MDGA2: variants seen among roughly 807,000 people sequenced by gnomAD.
The protein encoded by MDGA2 is MAM domain containing glycosylphosphatidylinositol anchor 2.
A neutral mutation model predicts 117.8 loss-of-function variants in MDGA2; 40 were observed. That is an observed-to-expected ratio of 0.34 (90% CI 0.26 to 0.44). The LOEUF is 0.44. MDGA2 is among the 20% of genes least tolerant of loss of function. MDGA2 has a pLI of 1.00. For synonymous variants in MDGA2, 452 were observed against 439.0 expected (o/e 1.03, Z -0.37); for missense variants, 1,123 against 1,250.6 (o/e 0.90, Z 1.54).
At chr14:47,113,210 T>C (rs905175052) in intron 5 of MDGA2, among the ~76,000 whole-genome samples, 1 of 151,886 alleles carries the variant, frequency 6.6e-6, no homozygotes, top group Admixed American at 6.6e-5. Flanking sequence ...AACTAGAAAA[T>C]CTAGAAGAAA....
intron 5 of MDGA2, among the ~76,000 whole-genome samples, chr14:47,110,649 C>G (rs573453397): frequency 4.3e-4 from 65 of 152,210 alleles, no homozygotes; most frequent in African/African-American, 1.5e-3. Context: ...TATAGCCAAT[C>G]TTAAAGGATA....
chr14:47,464,722 T>G (rs10220485), intron 1 of MDGA2, among the ~76,000 whole-genome samples: 102,545 of 152,018 alleles, frequency 0.67, 35,129 homozygotes, highest in East Asian at 0.98. Context: ...TTGATAGGAA[T>G]AATCAATATC....
intron 3 of MDGA2, among the ~76,000 whole-genome samples, chr14:47,212,953 A>C (rs1885939957): frequency 6.6e-6 from 1 of 152,134 alleles, no homozygotes; most frequent in Non-Finnish European, 1.5e-5. Context: ...TCTGAAGCTC[A>C]ATGTATGACA....
intron 1 of MDGA2, among the ~76,000 whole-genome samples, chr14:47,405,785 TA>T (rs1256448245): frequency 6.6e-6 from 1 of 152,150 alleles, no homozygotes; most frequent in Non-Finnish European, 1.5e-5. Context: ...TGCTACAGTA[TA>T]AATGACACAT....
Position 47,053,662 on chromosome 14 carries a change from C to T in MDGA2, c.1525+7587G>A, listed in dbSNP as rs1040426763. On this transcript the variant is annotated intron_variant, in intron 7 of 16. Coordinates refer to ENST00000399232, the MANE Select transcript of MDGA2 (RefSeq NM_001113498.3). ...ATATATATATATATATATACACACA[C>T]ACACACACATATATATATACACACA... Among the ~76,000 whole-genome samples, 28 of 140,682 alleles carry T rather than the reference C, an allele frequency of 2.0e-4. 1 individual carries two copies. The highest frequency in any genetic ancestry group is 7.3e-4 in the African/African-American group (28 of 38,590). 92.3% of individuals were successfully genotyped at this position (140,682 alleles called of 152,430 possible). A position where few individuals can be genotyped will look rare whatever the true frequency, so the allele number is the denominator to read the frequency against.
At chr14:47,638,144 C>A (rs183304127) in intron 1 of MDGA2, among the ~76,000 whole-genome samples, 15 of 152,280 alleles carry the variant, frequency 9.9e-5, no homozygotes, top group African/African-American at 3.6e-4. Flanking sequence ...CATGCTAAGT[C>A]TGTACGTGTC....
chr14:47,662,084 A>C (rs967188508), intron 1 of MDGA2, among the ~76,000 whole-genome samples: 4 of 152,120 alleles, frequency 2.6e-5, no homozygotes, highest in African/African-American at 9.7e-5. Context: ...TGAACAATAG[A>C]AACATGAATG....
intron 1 of MDGA2, among the ~76,000 whole-genome samples, chr14:47,629,004 T>C (rs530983752): frequency 8.5e-5 from 13 of 152,264 alleles, no homozygotes; most frequent in Non-Finnish European, 1.9e-4. Context: ...CTCACTCAAC[T>C]CCTCCCTGTA....
intron 1 of MDGA2, among the ~76,000 whole-genome samples, chr14:47,629,302 T>C (rs1293086660): frequency 6.6e-6 from 1 of 152,250 alleles, no homozygotes; most frequent in Non-Finnish European, 1.5e-5. Context: ...TCTGATTCAT[T>C]TGAGCTGAGT....
At chr14:46,998,528 T>G (rs74423215) in intron 8 of MDGA2, among the ~76,000 whole-genome samples, 6,207 of 152,252 alleles carry the variant, frequency 0.041, 192 homozygotes, top group Middle Eastern at 0.065. Context: ...TCTTTTGCAT[T>G]TCTGAATCCA....
intron 1 of MDGA2, among the ~76,000 whole-genome samples, chr14:47,584,917 G>A (rs1896296565): frequency 6.6e-6 from 1 of 151,714 alleles, no homozygotes; most frequent in South Asian, 2.1e-4. Flanking sequence ...TCTTCAACCT[G>A]AATGGTACAC....
intron 1 of MDGA2, among the ~76,000 whole-genome samples, chr14:47,472,336 C>T (rs943958270): frequency 2.6e-5 from 4 of 152,140 alleles, no homozygotes; most frequent in African/African-American, 9.7e-5. Flanking sequence ...ATGGTCTGGC[C>T]TACTGCACAC....
intron 3 of MDGA2, among the ~76,000 whole-genome samples, chr14:47,152,596 G>A (rs1883204076): frequency 6.6e-6 from 1 of 151,828 alleles, no homozygotes; most frequent in African/African-American, 2.4e-5. Flanking sequence ...TTATCTTCAT[G>A]CATATTTTAC....
At chr14:47,560,549 GTTGT>G (rs1174853619) in intron 1 of MDGA2, among the ~76,000 whole-genome samples, 12 of 152,088 alleles carry the variant, frequency 7.9e-5, no homozygotes, top group South Asian at 2.1e-4. Flanking sequence ...TTTTAATGTG[GTTGT>G]TTGTTTTTTG....
intron 1 of MDGA2, among the ~76,000 whole-genome samples, chr14:47,382,696 A>G (rs1891663884): frequency 1.3e-5 from 2 of 152,228 alleles, no homozygotes; most frequent in South Asian, 4.1e-4. Context: ...TTAAAAAGTC[A>G]GGAAACAACA....
intron 10 of MDGA2, among the ~76,000 whole-genome samples, chr14:46,911,503 A>G (rs1358908795): frequency 1.3e-5 from 2 of 152,230 alleles, no homozygotes; most frequent in African/African-American, 4.8e-5. Flanking sequence ...AAAGTCATGT[A>G]AAGATGTGGA....
At chr14:47,638,472 C>T (rs781725556) in intron 1 of MDGA2, among the ~76,000 whole-genome samples, 9 of 152,088 alleles carry the variant, frequency 5.9e-5, no homozygotes, top group Non-Finnish European at 8.8e-5. Context: ...CATGCAATTG[C>T]CAGTGTTAGG....
rs78845902 is a variant in MDGA2 at position 46,928,381 on chromosome 14, T to C, written c.2090-8221A>G. Among the ~76,000 whole-genome samples, 2,542 of 152,282 alleles carry C rather than the reference T, an allele frequency of 0.017. 339 individuals carry two copies. In the East Asian group the frequency reaches 0.36, roughly 22 times the overall value. On this transcript the variant is annotated intron_variant, in intron 9 of 16. Coordinates refer to ENST00000399232, the MANE Select transcript of MDGA2 (RefSeq NM_001113498.3). Reference sequence around the variant, plus strand: ...TGGAATTTATGGCTGAATTCACTTATAAAAGGAAGTCTTGCCCAGTCATCT... The same window carrying C: ...TGGAATTTATGGCTGAATTCACTTACAAAAGGAAGTCTTGCCCAGTCATCT...
At position 47,588,261 on chromosome 14, in the gene MDGA2, TACACACAC is replaced by T. The variant is rs67717725; in HGVS notation, c.280+86248_280+86255del. Among the ~76,000 whole-genome samples the T allele has an allele frequency of 1.3e-4, 13 of 103,800 alleles. 1 individual carries two copies. Among genetic ancestry groups the T allele is most frequent in the African/African-American group, 3.0e-4 (9 of 29,762 alleles). 68.1% of individuals were successfully genotyped at this position (103,800 alleles called of 152,430 possible). On this transcript the variant is annotated intron_variant, in intron 1 of 16. Coordinates refer to ENST00000399232, the MANE Select transcript of MDGA2 (RefSeq NM_001113498.3). ...AGATATATATATATATATATATATA[TACACACAC>T]ACACACACACACACACACAAATTGG...
Sources: allele counts gnomAD v4.1 joint callset (sites outside exome capture counted in the v4.1 genomes callset), GRCh38; gene constraint gnomAD v4.1.1; transcripts MANE v1.5; gene names NCBI Gene and HGNC (gene_info 2026-07-23, HGNC 2026-07-21).